CDKAL1: variants seen among roughly 807,000 people sequenced by gnomAD.
The protein encoded by CDKAL1 is threonylcarbamoyladenosine tRNA methylthiotransferase.
CDKAL1 carries 32 observed loss-of-function variants against 68.2 expected under a neutral mutation model. That is an observed-to-expected ratio of 0.47 (90% CI 0.35 to 0.63). The LOEUF is 0.63. Among genes scored for constraint, CDKAL1 ranks in the 30% least tolerant of loss-of-function variants. The probability of loss-of-function intolerance (pLI) is 0.00; values close to 1 mark genes in which losing one functional copy is unlikely to be tolerated. For missense variants in CDKAL1, 606 were observed against 696.7 expected (o/e 0.87, Z 1.47); for synonymous variants, 234 against 244.3 (o/e 0.96, Z 0.39).
chr6:20,831,812 C>T (rs1393574058), intron 8 of CDKAL1, among the ~76,000 whole-genome samples: 4 of 152,150 alleles, frequency 2.6e-5, no homozygotes, highest in Non-Finnish European at 5.9e-5. Flanking sequence ...ACCCACTTAT[C>T]GAGCTTTTTC....
chr6:20,889,504 G>A (rs1239225312), intron 9 of CDKAL1, among the ~76,000 whole-genome samples: 1 of 151,934 alleles, frequency 6.6e-6, no homozygotes, highest in Admixed American at 6.6e-5. Flanking sequence ...TATGGTTTTA[G>A]GTCTAACATG....
intron 6 of CDKAL1, among the ~76,000 whole-genome samples, chr6:20,753,819 A>G (rs1561747322): frequency 6.6e-6 from 1 of 152,122 alleles, no homozygotes; most frequent in Non-Finnish European, 1.5e-5. Flanking sequence ...ACTAAATTAT[A>G]TGGTAACTGT....
At chr6:20,677,184 C>G (rs921256109) in intron 5 of CDKAL1, among the ~76,000 whole-genome samples, 2 of 151,892 alleles carry the variant, frequency 1.3e-5, no homozygotes, top group Non-Finnish European at 2.9e-5. Flanking sequence ...GATTCTCCTG[C>G]CTCAGCCTCC....
chr6:21,042,395 C>CTGCACTTATAGTTCATCCCT (rs1187430760), intron 11 of CDKAL1, among the ~76,000 whole-genome samples: 2 of 152,282 alleles, frequency 1.3e-5, no homozygotes, highest in Non-Finnish European at 2.9e-5. Flanking sequence ...CCTGCCCTAC[C>CTGCACTTATAGTTCATCCCT]TGCACTTATA....
Position 20,663,769 on chromosome 6 carries a change from T to A in CDKAL1, c.371+14392T>A, listed in dbSNP as rs144867728. Among the ~76,000 whole-genome samples, 1,249 of 152,236 alleles carry A rather than the reference T, an allele frequency of 8.2e-3. 21 individuals are homozygous for A. The highest frequency in any genetic ancestry group is 0.028 in the African/African-American group (1,172 of 41,564). On this transcript the variant is annotated intron_variant, in intron 5 of 15. Coordinates refer to ENST00000274695, the MANE Select transcript of CDKAL1 (RefSeq NM_017774.3). ...AAAACCTAGATATTTTAAAATAATT[T>A]AGACATAAAACAAAAGTGGAGTTTA... is the stretch of plus-strand genomic sequence containing the variant.
At chr6:20,652,868 C>T (rs1303200615) in intron 5 of CDKAL1, among the ~76,000 whole-genome samples, 1 of 152,156 alleles carries the variant, frequency 6.6e-6, no homozygotes, top group Non-Finnish European at 1.5e-5. Context: ...AATCATAACT[C>T]CCAAGAAGTA....
chr6:20,871,903 T>A (rs1760240291), intron 9 of CDKAL1, among the ~76,000 whole-genome samples: 1 of 152,176 alleles, frequency 6.6e-6, no homozygotes, highest in Non-Finnish European at 1.5e-5. Context: ...ACAATATATA[T>A]GTCTCCTTAC....
chr6:20,582,568 G>A lies in CDKAL1; in HGVS notation c.286+33863G>A, dbSNP rs76604934. On this transcript the variant is annotated intron_variant, in intron 4 of 15. Transcript: ENST00000274695. ...TGAGTTGTCTGACACAGTTTTCTACGGTTCCATTTGAATTGTCTGAAATCC... is the reference window on the plus strand; with the variant it reads ...TGAGTTGTCTGACACAGTTTTCTACAGTTCCATTTGAATTGTCTGAAATCC... 6.8e-3 allele frequency among the ~76,000 whole-genome samples: 1,031 copies of A among 151,798 alleles called. 15 individuals are homozygous for A. Among genetic ancestry groups the A allele is most frequent in the African/African-American group, 0.023 (952 of 41,392 alleles).
chr6:20,890,367 TA>T (rs1761329386), intron 9 of CDKAL1, among the ~76,000 whole-genome samples: 1 of 152,230 alleles, frequency 6.6e-6, no homozygotes, highest in African/African-American at 2.4e-5. Flanking sequence ...ACTTCCTCTC[TA>T]GTGATAAAAT....
intron 15 of CDKAL1, among the ~76,000 whole-genome samples, chr6:21,211,607 C>G (rs566020286): frequency 2.1e-4 from 32 of 152,310 alleles, no homozygotes; most frequent in African/African-American, 7.2e-4. Context: ...AGGAGTGGCA[C>G]ATGGTATTTG....
intron 13 of CDKAL1, among the ~76,000 whole-genome samples, chr6:21,191,362 T>C (rs892460768): frequency 6.8e-6 from 1 of 147,490 alleles, no homozygotes; most frequent in Non-Finnish European, 1.5e-5. Context: ...CTTCAGGCAC[T>C]TGGGAAATTT....
chr6:20,908,370 C>G (rs1498427), intron 9 of CDKAL1, among the ~76,000 whole-genome samples: 146,001 of 152,300 alleles, frequency 0.96, 69,992 homozygotes, highest in East Asian at 1. Context: ...AAAATATTTA[C>G]CATTGATTAA....
intron 8 of CDKAL1, among the ~76,000 whole-genome samples, chr6:20,817,759 A>T (rs1408019109): frequency 6.6e-6 from 1 of 152,182 alleles, no homozygotes; most frequent in East Asian, 1.9e-4. Context: ...CGGCAAGCAT[A>T]CAAACACCAT....
chr6:20,690,979 T>C (rs566142089), intron 5 of CDKAL1, among the ~76,000 whole-genome samples: 2 of 152,334 alleles, frequency 1.3e-5, no homozygotes, highest in African/African-American at 4.8e-5. Flanking sequence ...AATATACTTT[T>C]AAAATGAAAC....
chr6:20,876,849 CACACACACGT>C (rs772577400), intron 9 of CDKAL1, among the ~76,000 whole-genome samples: 74 of 152,306 alleles, frequency 4.9e-4, no homozygotes, highest in Non-Finnish European at 9.3e-4. Flanking sequence ...ATGATATACA[CACACACACGT>C]ACACACAGAG....
chr6:20,840,608 G>T (rs755219588), intron 8 of CDKAL1, among the ~76,000 whole-genome samples: 5 of 152,178 alleles, frequency 3.3e-5, no homozygotes, highest in Admixed American at 2.0e-4. Flanking sequence ...GGCACAGGAA[G>T]CTTAAAGAAG....
chr6:20,872,023 A>G (rs1760246337), intron 9 of CDKAL1, among the ~76,000 whole-genome samples: 1 of 152,180 alleles, frequency 6.6e-6, no homozygotes, highest in Non-Finnish European at 1.5e-5. Context: ...TTGCCCCAAC[A>G]TAGAGCAACA....
chr6:20,743,929 A>G (rs1307447759), intron 6 of CDKAL1, among the ~76,000 whole-genome samples: 3 of 152,356 alleles, frequency 2.0e-5, no homozygotes, highest in Non-Finnish European at 4.4e-5. Context: ...AAGATATGAA[A>G]CTATCTTAGC....
At chr6:20,812,596 T>TCTATAGTTTCTATAGAA in intron 8 of CDKAL1, among the ~76,000 whole-genome samples, 1 of 152,354 alleles carries the variant, frequency 6.6e-6, no homozygotes, top group Non-Finnish European at 1.5e-5. Context: ...TAGATTAGCT[T>TCTATAGTTTCTATAGAA]GCAGTTTCTA....
Sources: gnomAD v4.1 joint callset for allele counts (sites outside exome capture counted in the v4.1 genomes callset) on GRCh38, gnomAD v4.1.1 for gene constraint, MANE v1.5 for transcripts, NCBI Gene and HGNC (gene_info 2026-07-23, HGNC 2026-07-21) for gene names.